Variants in SLC5A11 observed in about 807,000 individuals in gnomAD.
SLC5A11 encodes sodium/myo-inositol cotransporter 2.
Under a neutral mutation model 69.8 loss-of-function variants are expected in SLC5A11, and 48 were observed. The observed-to-expected ratio is 0.69, with a 90% CI of 0.55 to 0.87. The LOEUF is 0.87. Ranked by LOEUF, SLC5A11 falls within the 40% of genes least tolerant of loss-of-function variation. SLC5A11 has a pLI of 0.00. For synonymous variants in SLC5A11, 319 were observed against 342.4 expected (o/e 0.93, Z 0.75); for missense variants, 784 against 866.1 (o/e 0.91, Z 1.19).
At chr16:24,875,566 G>GT in intron 5 of SLC5A11, 61 bp from the exon 7 acceptor site, 6 of 587,392 alleles carry the variant, frequency 1.0e-5, no homozygotes, top group African/African-American at 2.6e-5. Context: ...GGGCTTGTGT[G>GT]GGGGGGTCAC....
intron 4 of SLC5A11, among the ~76,000 whole-genome samples, chr16:24,870,405 AAAAAC>A (rs1169717923): frequency 3.6e-4 from 54 of 150,980 alleles, no homozygotes; most frequent in African/African-American, 1.1e-3. Context: ...CTCCCCACAA[AAAAAC>A]AAAACAAAAC....
At chr16:24,877,293 G>A (rs780789151) in exon 7 of SLC5A11, 32 of 1,613,966 alleles carry the variant, frequency 2.0e-5, no homozygotes, top group Non-Finnish European at 2.6e-5. Context: ...TCATCCAGCA[G>A]TCTTTGCACC....
intron 9 of SLC5A11, among the ~76,000 whole-genome samples, chr16:24,893,914 C>T (rs1012593626): frequency 2.0e-5 from 3 of 152,166 alleles, no homozygotes; most frequent in Admixed American, 2.0e-4. Flanking sequence ...ATCCAGTTTC[C>T]ACTATCTAAT....
intron 9 of SLC5A11, among the ~76,000 whole-genome samples, chr16:24,893,410 T>G (rs2048946153): frequency 6.6e-6 from 1 of 151,890 alleles, no homozygotes; most frequent in Non-Finnish European, 1.5e-5. Context: ...AAAAGACAGT[T>G]GACCCATTCT....
At chr16:24,849,644 G>A (rs1264387066) in intron 1 of SLC5A11, among the ~76,000 whole-genome samples, 9 of 131,754 alleles carry the variant, frequency 6.8e-5, no homozygotes, top group East Asian at 4.3e-4. Context: ...TGCCACGTTG[G>A]CATTTGGATG....
chr16:24,910,929 G>T (rs1333062624), intron 15 of SLC5A11, among the ~76,000 whole-genome samples: 1 of 151,634 alleles, frequency 6.6e-6, no homozygotes, highest in African/African-American at 2.4e-5. Context: ...AGCACTTTGG[G>T]AGGCCGAGGT....
intron 7 of SLC5A11, among the ~76,000 whole-genome samples, chr16:24,881,075 G>A (rs8055384): frequency 0.11 from 16,846 of 151,480 alleles, 1,124 homozygotes; most frequent in South Asian, 0.15. Flanking sequence ...GCGTGGTGGC[G>A]GGCACCTGTA....
At chr16:24,856,997 T>G (rs2059564483) in intron 1 of SLC5A11, among the ~76,000 whole-genome samples, 1 of 152,072 alleles carries the variant, frequency 6.6e-6, no homozygotes, top group South Asian at 2.1e-4. Context: ...ATTTTTGTAT[T>G]TTTAGTAGAG....
rs1021684170 is a variant in SLC5A11, at chr16:24,895,613, G to C, written c.871-2361G>C. 5.1e-5 allele frequency among the ~76,000 whole-genome samples: 7 copies of C among 135,960 alleles called. 1 individual carries two copies. The highest frequency in any genetic ancestry group is 6.3e-4 in the South Asian group (2 of 3,182). 89.2% of individuals were successfully genotyped at this position (135,960 alleles called of 152,430 possible). A position where few individuals can be genotyped will look rare whatever the true frequency, so the allele number is the denominator to read the frequency against. ...AAAGGAGGGGAGGGGAGGGGAAGGT[G>C]GGGGAGGGAAGGGACCCCTCAGTTG... On this transcript the variant is annotated intron_variant, in intron 9 of 15. Transcript: ENST00000347898.
intron 1 of SLC5A11, among the ~76,000 whole-genome samples, chr16:24,849,611 TATATATA>T (rs1226009801): frequency 8.7e-6 from 1 of 115,600 alleles, no homozygotes; most frequent in Non-Finnish European, 1.8e-5. Flanking sequence ...TATATATATA[TATATATA>T]TATATCCATG....
chr16:24,879,474 C>T (rs1335255255), intron 7 of SLC5A11, among the ~76,000 whole-genome samples: 2 of 152,122 alleles, frequency 1.3e-5, no homozygotes, highest in Non-Finnish European at 2.9e-5. Context: ...TGGTGGCTCA[C>T]TCCTGTAATC....
chr16:24,853,316 C>G (rs1484987825), intron 1 of SLC5A11, among the ~76,000 whole-genome samples: 1 of 145,728 alleles, frequency 6.9e-6, no homozygotes, highest in Non-Finnish European at 1.5e-5. Flanking sequence ...CACTGAGTCC[C>G]CAGGGCCTAG....
chr16:24,902,083 G>C (rs1342545404), intron 10 of SLC5A11, among the ~76,000 whole-genome samples: 2 of 152,160 alleles, frequency 1.3e-5, no homozygotes, highest in East Asian at 3.8e-4. Context: ...CTGCATTCCA[G>C]ACTGGGTGAC....
At chr16:24,901,928 A>G (rs2049625411) in intron 10 of SLC5A11, among the ~76,000 whole-genome samples, 1 of 120,398 alleles carries the variant, frequency 8.3e-6, no homozygotes, top group Admixed American at 8.7e-5. Context: ...CTGGAAAAAA[A>G]AATACACACA....
At chr16:24,907,564 T>C (rs2152420417) in intron 12 of SLC5A11, among the ~76,000 whole-genome samples, 1 of 151,980 alleles carries the variant, frequency 6.6e-6, no homozygotes, top group South Asian at 2.1e-4. Flanking sequence ...ATACAAAAAT[T>C]AGCTGTGGTG....
intron 15 of SLC5A11, 87 bp from the exon 17 acceptor site, chr16:24,911,241 T>C (rs1451265567): frequency 7.8e-7 from 1 of 1,282,124 alleles, no homozygotes; most frequent in Non-Finnish European, 1.1e-6. Context: ...ATCCCAGCAC[T>C]TGAACACATC....
In SLC5A11 at chr16:24,873,247, GAGGAAGGAAGGA is replaced by G. The variant is rs549215226; in HGVS notation, c.372+1074_372+1085del. 7.2e-3 allele frequency among the ~76,000 whole-genome samples: 729 copies of G among 101,484 alleles called. 2 individuals carry two copies. Among genetic ancestry groups the G allele is most frequent in the Middle Eastern group, 0.021 (4 of 188 alleles). 66.6% of individuals were successfully genotyped at this position (101,484 alleles called of 152,430 possible). A position where few individuals can be genotyped will look rare whatever the true frequency, so the allele number is the denominator to read the frequency against. On this transcript the variant is annotated intron_variant, in intron 5 of 15. Transcript: ENST00000347898. ...AAAGGAAGGAATGGAGAGAGGGAGG[GAGGAAGGAAGGA>G]AGGAAGGAAGGAAGGAAGGAAGGAA...
At chr16:24,874,739 G>A (rs1325387903) in intron 5 of SLC5A11, among the ~76,000 whole-genome samples, 3 of 151,892 alleles carry the variant, frequency 2.0e-5, no homozygotes, top group East Asian at 3.9e-4. Flanking sequence ...CAGCCACCAT[G>A]CCCAGCTAAT....
At chr16:24,900,394 G>A (rs1450856755) in intron 10 of SLC5A11, among the ~76,000 whole-genome samples, 1 of 152,192 alleles carries the variant, frequency 6.6e-6, no homozygotes, top group Non-Finnish European at 1.5e-5. Context: ...CAGGAGAAAA[G>A]AGATGGGGAA....
Sources: allele counts gnomAD v4.1 joint callset (sites outside exome capture counted in the v4.1 genomes callset), GRCh38; gene constraint gnomAD v4.1.1; transcripts MANE v1.5; gene names NCBI Gene and HGNC (gene_info 2026-07-23, HGNC 2026-07-21).